DCP1B: variants seen among roughly 807,000 people sequenced by gnomAD.
DCP1B encodes decapping mRNA 1B.
DCP1B carries 47 observed loss-of-function variants against 60.5 expected under a neutral mutation model. The ratio of observed to expected loss-of-function variants is 0.78; its 90% CI spans 0.61 to 0.99. The LOEUF (loss-of-function observed/expected upper bound fraction) is 0.99, where lower values mean the gene tolerates loss of function less well. DCP1B is among the 50% of genes least tolerant of loss of function. The probability of loss-of-function intolerance (pLI) is 0.00; values close to 1 mark genes in which losing one functional copy is unlikely to be tolerated. For synonymous variants in DCP1B, 267 were observed against 280.3 expected, an observed-to-expected ratio of 0.95 and a Z score of 0.47; for missense variants, 725 against 756.8, an observed-to-expected ratio of 0.96 and a Z score of 0.49.
Position 1,948,522 on chromosome 12 carries a change from TATTTCATA to T in DCP1B, c.1773+556_1773+563del, listed in dbSNP as rs1284610624. ...TGTTAGCTATTATAGCACTCATTAT[TATTTCATA>T]ATTTCATAGGCAAGTGAGGCTAGCA... On this transcript the variant is annotated intron_variant, in intron 8 of 8. Transcript: ENST00000280665. The surrounding 1 kb of genome is among the most constrained non-coding windows in gnomAD (Gnocchi z 4.8). Among the ~76,000 whole-genome samples, 1 of 152,258 alleles carries T rather than the reference TATTTCATA, an allele frequency of 6.6e-6. No individual in the cohort carries two copies. The highest frequency in any genetic ancestry group is 1.5e-5 in the Non-Finnish European group (1 of 68,044).
chr12:1,997,236 A>T (rs1211928125), intron 2 of DCP1B, among the ~76,000 whole-genome samples: 1 of 152,212 alleles, frequency 6.6e-6, no homozygotes, highest in Non-Finnish European at 1.5e-5. Context: ...GGTGGGAGAA[A>T]AGTGATCAAC....
In DCP1B at chr12:1,952,860, C is replaced by G. The variant is rs908006339; in HGVS notation, c.1080G>C (p.Gln360His). Reference sequence around the variant, plus strand: ...ACTTGTTTGCTGCCCCTGGGGTACTCTGAAGTTTCTCGAACAGGTTCTGAG... The same window carrying G: ...ACTTGTTTGCTGCCCCTGGGGTACTGTGAAGTTTCTCGAACAGGTTCTGAG... ...SRTQNLFEKL[Q>H]STPGAANKCD... is the part of the protein sequence containing the mutation. The change falls in exon 7 of 9, where the codon CAG becomes CAC. Residue 360 changes from glutamine (Q) to histidine (H), a missense_variant. Physicochemically the swap from Gln to His is conservative, Grantham distance 24. Coordinates refer to ENST00000280665, the MANE Select transcript of DCP1B (RefSeq NM_152640.5). The G allele has an allele frequency of 1.1e-4, 185 of 1,614,018 alleles. No individual in the cohort carries two copies. Among genetic ancestry groups the G allele is most frequent in the Non-Finnish European group, 1.5e-4 (178 of 1,180,028 alleles).
chr12:1,950,454 C>T (rs1478793217), intron 7 of DCP1B: 2 of 696,346 alleles, frequency 2.9e-6, no homozygotes, highest in Non-Finnish European at 5.2e-6. Context: ...TCTAAATCAT[C>T]AAAGAGGAAA....
chr12:2,004,237 C>T (rs1339342999), intron 1 of DCP1B, 45 bp downstream of exon 1: 5 of 1,609,224 alleles, frequency 3.1e-6, no homozygotes, highest in Non-Finnish European at 1.7e-6. Context: ...CCCCCCGCCT[C>T]CACCCCAACC....
chr12:1,968,435 T>C (rs2031493333), intron 3 of DCP1B, among the ~76,000 whole-genome samples: 1 of 150,704 alleles, frequency 6.6e-6, no homozygotes, highest in Non-Finnish European at 1.5e-5. Flanking sequence ...CCCACACACA[T>C]TGAAGAAACT....
At chr12:1,958,457 G>T (rs558711679) in intron 5 of DCP1B, among the ~76,000 whole-genome samples, 1 of 140,462 alleles carries the variant, frequency 7.1e-6, no homozygotes, top group Non-Finnish European at 1.5e-5. Context: ...GCTCCCTAAC[G>T]TCGCTCTGGG....
At position 1,976,595 on chromosome 12, in the gene DCP1B, T is replaced by C. The variant is rs150589869; in HGVS notation, c.320-8685A>G. ...TTCCTGGGCAGATCCCGAAGAGAAA[T>C]GTATTCTGTTATTCCTGCAAATACT... On this transcript the variant is annotated intron_variant, in intron 3 of 8. Transcript: ENST00000280665. Among the ~76,000 whole-genome samples the C allele has an allele frequency of 6.6e-5, 10 of 152,256 alleles. No individual in the cohort carries two copies. In the East Asian group the frequency reaches 1.9e-3, roughly 29 times the overall value.
At chr12:1,992,501 T>G (rs1036014460) in intron 3 of DCP1B, 1 of 154,090 alleles carries the variant, frequency 6.5e-6, no homozygotes, top group African/African-American at 2.4e-5. Context: ...AAGCATAAGG[T>G]GCATGTGTGT....
chr12:1,958,252 G>A (rs1330448900), intron 5 of DCP1B, among the ~76,000 whole-genome samples: 1 of 148,892 alleles, frequency 6.7e-6, no homozygotes, highest in Non-Finnish European at 1.5e-5. Context: ...CAGGGGAAAA[G>A]CTCCCCAACG....
chr12:1,943,232 C>T (rs753264750), downstream of DCP1B, among the ~76,000 whole-genome samples: 8 of 152,124 alleles, frequency 5.3e-5, no homozygotes, highest in Non-Finnish European at 8.8e-5. Flanking sequence ...ATACACCCTC[C>T]CAAGACTAAA....
rs149123143 is a variant in DCP1B at position 1,962,046 on chromosome 12, G to T, written c.522+3512C>A. ...CAGGGCCACGTGTGGAAGCCTCAGGGTGTCAGCAGCAAGGGGAAGGCGTAG... is the reference window on the plus strand; with the variant it reads ...CAGGGCCACGTGTGGAAGCCTCAGGTTGTCAGCAGCAAGGGGAAGGCGTAG... On this transcript the variant is annotated intron_variant, in intron 5 of 8. Coordinates refer to ENST00000280665, the MANE Select transcript of DCP1B (RefSeq NM_152640.5). The surrounding 1 kb of genome is among the most constrained non-coding windows in gnomAD (Gnocchi z 4.4). Among the ~76,000 whole-genome samples, 287 of 152,302 alleles carry T rather than the reference G, an allele frequency of 1.9e-3. 6 individuals are homozygous for T. The highest frequency in any genetic ancestry group is 0.018 in the Admixed American group (276 of 15,300).
chr12:1,995,677 C>G (rs956948788), intron 2 of DCP1B, among the ~76,000 whole-genome samples: 1 of 152,248 alleles, frequency 6.6e-6, no homozygotes, highest in African/African-American at 2.4e-5. Flanking sequence ...CATGCCCACA[C>G]TTTGCCCCAA....
At chr12:1,977,174 T>C (rs1158854253) in intron 3 of DCP1B, among the ~76,000 whole-genome samples, 1 of 152,174 alleles carries the variant, frequency 6.6e-6, no homozygotes, top group African/African-American at 2.4e-5. Flanking sequence ...CTCCAAGTCT[T>C]AGAATTTGTT....
intron 2 of DCP1B, 42 bp downstream of exon 2, chr12:1,997,893 A>G: frequency 6.6e-7 from 1 of 1,504,828 alleles, no homozygotes; most frequent in South Asian, 1.2e-5. Context: ...CTAAAATATT[A>G]TTTTGAAGAT....
At chr12:1,993,020 A>G (rs2039842142) in intron 3 of DCP1B, 2 of 652,094 alleles carry the variant, frequency 3.1e-6, no homozygotes, top group Non-Finnish European at 5.3e-6. Flanking sequence ...CTACAAATCC[A>G]TAAAGCTTCA....
chr12:1,954,948 C>T (rs527322064), intron 6 of DCP1B, among the ~76,000 whole-genome samples: 1 of 152,310 alleles, frequency 6.6e-6, no homozygotes, highest in Admixed American at 6.5e-5. Context: ...ACCGTAACCT[C>T]AAACTCCTAA....
chr12:1,957,209 T>A (rs1480649853), intron 5 of DCP1B, among the ~76,000 whole-genome samples: 1 of 152,208 alleles, frequency 6.6e-6, no homozygotes, highest in African/African-American at 2.4e-5. Flanking sequence ...TGAAAAAGCA[T>A]ATAATGGATT....
intron 2 of DCP1B, among the ~76,000 whole-genome samples, chr12:1,996,689 C>T (rs11062051): frequency 0.31 from 36,552 of 117,154 alleles, 6,735 homozygotes; most frequent in East Asian, 0.59. Context: ...AAGAAGTTTA[C>T]GAATTTCTGT....
chr12:1,955,453 C>T lies in DCP1B; in HGVS notation c.630G>A (p.Gln210=), dbSNP rs746071356. ...GTACCTGGTTGGGCTGAGGTATACG[C>T]TGTTGCTGGTTTTCACTGGGTTTCA... is the stretch of plus-strand genomic sequence containing the variant. ...IPVKPSENQQ[Q]RIPQPNQTLD... The change falls in exon 6 of 9, where the codon CAG becomes CAA. Residue 210 remains glutamine (Q), a synonymous_variant. Coordinates refer to ENST00000280665, the MANE Select transcript of DCP1B (RefSeq NM_152640.5). 1 of 1,613,662 alleles carries T rather than the reference C, an allele frequency of 6.2e-7. No homozygotes were observed.
Sources: allele counts gnomAD v4.1 joint callset (sites outside exome capture counted in the v4.1 genomes callset), GRCh38; gene constraint gnomAD v4.1.1; non-coding constraint Gnocchi (gnomAD v3.1); transcripts MANE v1.5; gene names NCBI Gene and HGNC (gene_info 2026-07-23, HGNC 2026-07-21).